Variants in ATP11A observed in about 807,000 individuals in gnomAD.
ATP11A encodes ATPase phospholipid transporting 11A.
Under a neutral mutation model 154.4 loss-of-function variants are expected in ATP11A, and 81 were observed. The observed-to-expected ratio is 0.52, with a 90% CI of 0.44 to 0.63. ATP11A has a LOEUF of 0.63. Among genes scored for constraint, ATP11A ranks in the 30% least tolerant of loss-of-function variants. The pLI, the probability that ATP11A is intolerant of heterozygous loss-of-function variation, is 0.00. For missense variants in ATP11A, 1,316 were observed against 1,474.3 expected (o/e 0.89, Z 1.76); for synonymous variants, 623 against 585.9 (o/e 1.06, Z -0.91).
At chr13:112,796,576 G>T (rs1363487046) in intron 2 of ATP11A, among the ~76,000 whole-genome samples, 2 of 152,178 alleles carry the variant, frequency 1.3e-5, no homozygotes, top group Non-Finnish European at 2.9e-5. Flanking sequence ...AACCAGCCCT[G>T]CTGATACTTT....
At chr13:112,809,054 TCCA>T (rs1399439677) in intron 4 of ATP11A, among the ~76,000 whole-genome samples, 3 of 152,200 alleles carry the variant, frequency 2.0e-5, no homozygotes, top group Non-Finnish European at 4.4e-5. Flanking sequence ...CTGTTTCTTC[TCCA>T]CCAATCCTGA....
intron 27 of ATP11A, 41 bp downstream of exon 27, chr13:112,873,717 T>C (rs766716194): frequency 7.1e-6 from 11 of 1,555,942 alleles, no homozygotes. Flanking sequence ...ATAAATATCA[T>C]GTGGTTGTTA....
chr13:112,849,511 G>A (rs1421385359), intron 17 of ATP11A, among the ~76,000 whole-genome samples: 2 of 152,196 alleles, frequency 1.3e-5, no homozygotes, highest in Non-Finnish European at 2.9e-5. Flanking sequence ...TTATTATCCT[G>A]TAAAACCATT....
intron 8 of ATP11A, among the ~76,000 whole-genome samples, chr13:112,820,569 C>A (rs1355087054): frequency 6.6e-6 from 1 of 152,210 alleles, no homozygotes; most frequent in African/African-American, 2.4e-5. Context: ...ATCTATGGCC[C>A]CGAGGCAGCC....
At chr13:112,824,749 T>C (rs577869248) in intron 10 of ATP11A, among the ~76,000 whole-genome samples, 1 of 152,372 alleles carries the variant, frequency 6.6e-6, no homozygotes, top group East Asian at 1.9e-4. Flanking sequence ...TGGGCTTACT[T>C]TTAACTCTGG....
intron 18 of ATP11A, among the ~76,000 whole-genome samples, chr13:112,852,848 TC>T (rs2079810716): frequency 6.6e-6 from 1 of 151,920 alleles, no homozygotes; most frequent in African/African-American, 2.4e-5. Context: ...CCTTATAATC[TC>T]CAGTCAGCAA....
At chr13:112,862,180 C>T (rs574162395) in intron 24 of ATP11A, among the ~76,000 whole-genome samples, 2 of 152,356 alleles carry the variant, frequency 1.3e-5, no homozygotes, top group East Asian at 3.9e-4. Context: ...GTGGCAGCAT[C>T]TCTGTGCCTA....
At chr13:112,808,840 T>C (rs1216019537) in intron 4 of ATP11A, among the ~76,000 whole-genome samples, 3 of 152,100 alleles carry the variant, frequency 2.0e-5, no homozygotes, top group South Asian at 4.1e-4. Context: ...GCAGGGCCCC[T>C]CCGATCAGCC....
At position 112,838,970 on chromosome 13, in the gene ATP11A, G is replaced by A. The variant is rs1210394301; in HGVS notation, c.1705+2719G>A. 6.6e-6 allele frequency among the ~76,000 whole-genome samples: 1 copy of A among 152,190 alleles called. No homozygotes were observed. Among genetic ancestry groups the A allele is most frequent in the Non-Finnish European group, 1.5e-5 (1 of 68,032 alleles). ...TTCCTCCTGGGCTCAGCCCTGTAGGGGGTTGCGGCTGTCAGAGCCGGATCT... is the reference window on the plus strand; with the variant it reads ...TTCCTCCTGGGCTCAGCCCTGTAGGAGGTTGCGGCTGTCAGAGCCGGATCT... On this transcript the variant is annotated intron_variant, in intron 16 of 29. Coordinates refer to ENST00000375645, the MANE Select transcript of ATP11A (RefSeq NM_015205.3). This position sits in a 1 kb window ranked among gnomAD's most constrained non-coding sequence, Gnocchi z 7.3.
At chr13:112,790,467 C>G (rs61259514) in intron 2 of ATP11A, among the ~76,000 whole-genome samples, 1 of 148,526 alleles carries the variant, frequency 6.7e-6, no homozygotes, top group Admixed American at 6.6e-5. Context: ...CATGTAGACT[C>G]CTGTGGAGAC....
chr13:112,845,754 G>C (rs61961576), intron 17 of ATP11A, among the ~76,000 whole-genome samples: 8 of 102,498 alleles, frequency 7.8e-5, no homozygotes, highest in African/African-American at 3.8e-4. Flanking sequence ...GTACTAACCA[G>C]TCCAGTTGCC....
At chr13:112,744,382 T>G (rs1230098421) in intron 1 of ATP11A, among the ~76,000 whole-genome samples, 2 of 152,008 alleles carry the variant, frequency 1.3e-5, no homozygotes, top group African/African-American at 2.4e-5. Context: ...TCTGGGAGGG[T>G]GTGATGGAGT....
intron 1 of ATP11A, among the ~76,000 whole-genome samples, chr13:112,784,149 G>T (rs2077564804): frequency 6.6e-6 from 1 of 152,232 alleles, no homozygotes; most frequent in South Asian, 2.1e-4. Context: ...GCCCTGTTAG[G>T]CGGAGAGGAG....
At chr13:112,720,769 G>A (rs545407911) in intron 1 of ATP11A, among the ~76,000 whole-genome samples, 1 of 152,260 alleles carries the variant, frequency 6.6e-6, no homozygotes, top group African/African-American at 2.4e-5. Context: ...TGTTGGCCAG[G>A]CTGGTCTCGA....
chr13:112,881,912 T>C lies in ATP11A; in HGVS notation c.*46T>C, dbSNP rs575398896. ...CCAGAGCACCTGTCCCTCGGCCGCC[T>C]GGTACAGCTCCCACTCTCAGCAGGT... On this transcript the variant is annotated 3_prime_UTR_variant, in exon 30 of 30. Transcript: ENST00000375645. The C allele has an allele frequency of 7.3e-6, 10 of 1,367,770 alleles. No individual in the cohort carries two copies. The South Asian group carries it at 9.1e-5, about 12-fold the overall frequency. The allele number at this position is 1,367,770 out of a possible 1,614,324, so 84.7% of individuals were successfully genotyped here. A position where few individuals can be genotyped will look rare whatever the true frequency, so the allele number is the denominator to read the frequency against.
intron 1 of ATP11A, among the ~76,000 whole-genome samples, chr13:112,763,071 C>G (rs945868990): frequency 6.6e-6 from 1 of 152,240 alleles, no homozygotes; most frequent in African/African-American, 2.4e-5. Flanking sequence ...GGCTGAGTGC[C>G]TGCGTCCAGG....
At chr13:112,715,966 G>T (rs1426684762) in intron 1 of ATP11A, among the ~76,000 whole-genome samples, 1 of 152,130 alleles carries the variant, frequency 6.6e-6, no homozygotes, top group East Asian at 1.9e-4. Flanking sequence ...TAGTGGCTGG[G>T]TGTGGAATTG....
chr13:112,854,502 G>C lies in ATP11A; in HGVS notation c.2215G>C (p.Gly739Arg), dbSNP rs147942119. 1 of 1,611,198 alleles carries C rather than the reference G, an allele frequency of 6.2e-7. No homozygotes were observed. The highest frequency in any genetic ancestry group is 1.3e-5 in the African/African-American group (1 of 74,972). Residue 739 changes from glycine to arginine, a missense_variant, in exon 19 of 30, where the codon GGG (glycine) becomes CGG (arginine). By Grantham distance (125) the Gly-to-Arg change is moderately radical. Transcript: ENST00000375645. ...ELSKTVLRHSGSLTRDNLSGL... is the reference protein window; with the variant it reads ...ELSKTVLRHSRSLTRDNLSGL... ...GAGCAAGACGGTCCTGCGCCACAGC[G>C]GGAGCCTGACCAGAGACAACCTGTC...
Position 112,884,740 on chromosome 13 carries a change from T to G in ATP11A, c.*2874T>G, listed in dbSNP as rs976153661. ...GTTGGTCAGAGACACGGTCACTGAT[T>G]CACACCCAGTCCCTGCCACAGACCG... On this transcript the variant is annotated 3_prime_UTR_variant, in exon 30 of 30. Coordinates refer to ENST00000375645, the MANE Select transcript of ATP11A (RefSeq NM_015205.3). 1 of 152,298 alleles carries G rather than the reference T, an allele frequency of 6.6e-6. No homozygotes were observed. The highest frequency in any genetic ancestry group is 1.5e-5 in the Non-Finnish European group (1 of 68,086). 9.4% of individuals were successfully genotyped at this position (152,298 alleles called of 1,614,324 possible).
Sources: allele counts gnomAD v4.1 joint callset (sites outside exome capture counted in the v4.1 genomes callset), GRCh38; gene constraint gnomAD v4.1.1; non-coding constraint Gnocchi (gnomAD v3.1); transcripts MANE v1.5; gene names NCBI Gene and HGNC (gene_info 2026-07-23, HGNC 2026-07-21).